OR1L6: variants seen among roughly 807,000 people sequenced by gnomAD.
OR1L6 encodes the protein olfactory receptor family 1 subfamily L member 6.
OR1L6 carries 2 observed loss-of-function variants against 3.0 expected under a neutral mutation model. The observed-to-expected ratio is 0.68, with a 90% confidence interval of 0.28 to 2.13. The LOEUF (loss-of-function observed/expected upper bound fraction) is 2.13. OR1L6 is among the 30% of genes most tolerant of loss of function. The probability of loss-of-function intolerance (pLI) is 0.14; values close to 1 mark genes in which losing one functional copy is unlikely to be tolerated. For missense variants in OR1L6, 304 were observed against 378.4 expected, an observed-to-expected ratio of 0.80 and a Z score of 1.63; for synonymous variants, 121 against 148.4, an observed-to-expected ratio of 0.82 and a Z score of 1.34.
chr9:122,750,695 CA>C lies in OR1L6; in HGVS notation c.849del (p.Met285CysfsTer2). On this transcript the variant is annotated frameshift_variant, in exon 2 of 2. Coordinates refer to ENST00000304720, the MANE Select transcript of OR1L6 (RefSeq NM_001004453.3). LOFTEE classifies it high-confidence loss of function. ...RVATVMYTVVTPMLNPFIYSL... is the reference protein window; with the variant it reads ...RVATVMYTVVXPMLNPFIYSL... ...GCCACAGTTATGTACACAGTAGTGACACCCATGCTGAACCCTTTCATCTACA... is the reference window on the plus strand; with the variant it reads ...GCCACAGTTATGTACACAGTAGTGACCCCATGCTGAACCCTTTCATCTACA... 6.2e-7 allele frequency: 1 copy of C among 1,613,840 alleles called. No homozygotes were observed.
chr9:122,750,044 A>G lies in OR1L6; in HGVS notation c.197A>G (p.Asn66Ser), dbSNP rs146011125. 3.7e-6 allele frequency: 6 copies of G among 1,614,106 alleles called. No homozygotes were observed. The highest frequency in any genetic ancestry group is 5.1e-6 in the Non-Finnish European group (6 of 1,180,006). ...LHTPMYFFLS[N>S]LSFMDICFTT... ...ACCCCTATGTACTTTTTTCTCAGCA[A>G]CTTGTCTTTCATGGATATCTGCTTC... Residue 66 changes from asparagine (N) to serine (S), a missense_variant, in exon 2 of 2, where the codon AAC becomes AGC. Coordinates refer to ENST00000304720, the MANE Select transcript of OR1L6 (RefSeq NM_001004453.3).
chr9:122,750,180 T>C lies in OR1L6; in HGVS notation c.333T>C (p.Thr111=). The change falls in exon 2 of 2, where the codon ACT becomes ACC. Residue 111 remains threonine, a synonymous_variant. Transcript: ENST00000304720. ...ACTTCTTTATGGCATTTGGGAACAC[T>C]GACAGCTACCTGCTGGCCTCTATGG... ...QMYFFMAFGN[T]DSYLLASMAI... is the part of the protein sequence containing the mutation. 1 of 1,613,890 alleles carries C rather than the reference T, an allele frequency of 6.2e-7. No individual in the cohort carries two copies. The highest frequency in any genetic ancestry group is 8.5e-7 in the Non-Finnish European group (1 of 1,179,822).
At chr9:122,742,904 T>C (rs962906142) in intron 1 of OR1L6, among the ~76,000 whole-genome samples, 1 of 152,104 alleles carries the variant, frequency 6.6e-6, no homozygotes, top group African/African-American at 2.4e-5. Flanking sequence ...AACCCAGAGG[T>C]GTTCCACCCA....
intron 1 of OR1L6, among the ~76,000 whole-genome samples, chr9:122,745,275 T>C (rs1359415265): frequency 2.0e-5 from 3 of 152,118 alleles, no homozygotes; most frequent in African/African-American, 7.2e-5. Flanking sequence ...TAATGAACCA[T>C]TTAACCTCAT....
intron 1 of OR1L6, among the ~76,000 whole-genome samples, chr9:122,745,302 T>C (rs1389334589): frequency 6.6e-6 from 1 of 151,876 alleles, no homozygotes; most frequent in Admixed American, 6.6e-5. Flanking sequence ...ATGCAGTGTA[T>C]ATAGATCTAT....
At chr9:122,749,715 A>G in intron 1 of OR1L6, 120 bp from the exon 2 acceptor site, 1 of 1,005,292 alleles carries the variant, frequency 9.9e-7, no homozygotes, top group Non-Finnish European at 1.5e-6. Context: ...CTCAAAGAAA[A>G]AAAAAACAAC....
Position 122,749,949 on chromosome 9 carries a change from C to T in OR1L6, c.102C>T (p.Ile34=), listed in dbSNP as rs939965251. The T allele has an allele frequency of 6.2e-7, 1 of 1,614,070 alleles. No individual in the cohort carries two copies. Among genetic ancestry groups the T allele is most frequent in the Admixed American group, 1.7e-5 (1 of 60,002 alleles). The change falls in exon 2 of 2, where the codon ATC becomes ATT. Residue 34 remains isoleucine, a synonymous_variant. Coordinates refer to ENST00000304720, the MANE Select transcript of OR1L6 (RefSeq NM_001004453.3). ...LQKPLFAIFL[I]MYLLAAVGNV... ...AACCTCTCTTTGCCATCTTCCTCAT[C>T]ATGTACCTGCTCGCTGCGGTGGGGA...
intron 1 of OR1L6, among the ~76,000 whole-genome samples, chr9:122,746,267 A>G (rs2118908347): frequency 6.6e-6 from 1 of 152,282 alleles, no homozygotes; most frequent in African/African-American, 2.4e-5. Context: ...TACACTCTAA[A>G]TTTATATCTG....
intron 1 of OR1L6, among the ~76,000 whole-genome samples, chr9:122,747,092 T>C (rs148282238): frequency 4.6e-5 from 7 of 152,278 alleles, no homozygotes; most frequent in Admixed American, 4.6e-4. Context: ...CTGGGTTTTA[T>C]TTCTATGTGT....
At position 122,750,192 on chromosome 9, in the gene OR1L6, G is replaced by T; in HGVS notation, c.345G>T (p.Leu115=). The T allele has an allele frequency of 6.2e-7, 1 of 1,613,990 alleles. No individual in the cohort carries two copies. Among genetic ancestry groups the T allele is most frequent in the Non-Finnish European group, 8.5e-7 (1 of 1,179,934 alleles). ...FMAFGNTDSY[L]LASMAIDRLV... Reference sequence around the variant, plus strand: ...CATTTGGGAACACTGACAGCTACCTGCTGGCCTCTATGGCCATCGACCGGC... The same window carrying T: ...CATTTGGGAACACTGACAGCTACCTTCTGGCCTCTATGGCCATCGACCGGC... The change falls in exon 2 of 2, where the codon CTG becomes CTT. Residue 115 remains leucine, a synonymous_variant. Coordinates refer to ENST00000304720, the MANE Select transcript of OR1L6 (RefSeq NM_001004453.3).
At position 122,750,543 on chromosome 9, in the gene OR1L6, A is replaced by G; in HGVS notation, c.696A>G (p.Ala232=). 1 of 1,593,908 alleles carries G rather than the reference A, an allele frequency of 6.3e-7. No individual in the cohort carries two copies. Among genetic ancestry groups the G allele is most frequent in the East Asian group, 2.2e-5 (1 of 44,556 alleles). The change falls in exon 2 of 2, where the codon GCA becomes GCG. Residue 232 remains alanine (A), a synonymous_variant. Transcript: ENST00000304720. ...IMVTVLRIPS[A]AGKWKAFSTC... ...TCACTGTGCTCAGAATCCCCTCTGC[A>G]GCCGGGAAGTGGAAGGCCTTCTCTA... is the stretch of plus-strand genomic sequence containing the variant.
intron 1 of OR1L6, among the ~76,000 whole-genome samples, chr9:122,748,336 A>G (rs887288191): frequency 6.6e-6 from 1 of 152,178 alleles, no homozygotes; most frequent in Admixed American, 6.5e-5. Context: ...GGTGTCATTC[A>G]TGGAGATACC....
At chr9:122,743,579 G>A (rs1828808780) in intron 1 of OR1L6, among the ~76,000 whole-genome samples, 1 of 152,132 alleles carries the variant, frequency 6.6e-6, no homozygotes, top group African/African-American at 2.4e-5. Context: ...CCTTACTGCT[G>A]GAAGAGAAAA....
chr9:122,747,501 C>T (rs1275712731), intron 1 of OR1L6, among the ~76,000 whole-genome samples: 1 of 151,896 alleles, frequency 6.6e-6, no homozygotes. Flanking sequence ...ATTAGAGGTG[C>T]ATTGAATTTT....
intron 1 of OR1L6, among the ~76,000 whole-genome samples, chr9:122,749,481 C>T (rs1828867628): frequency 6.6e-6 from 1 of 152,152 alleles, no homozygotes; most frequent in Non-Finnish European, 1.5e-5. Context: ...CTACCTGTTT[C>T]TCCATGGTTT....
At chr9:122,746,957 GTTC>G (rs1564248873) in intron 1 of OR1L6, among the ~76,000 whole-genome samples, 1 of 151,930 alleles carries the variant, frequency 6.6e-6, no homozygotes, top group East Asian at 1.9e-4. Flanking sequence ...TGTCATTCTT[GTTC>G]TTCATTTCAT....
At chr9:122,746,876 C>T (rs1204460608) in intron 1 of OR1L6, among the ~76,000 whole-genome samples, 1 of 152,098 alleles carries the variant, frequency 6.6e-6, no homozygotes, top group Non-Finnish European at 1.5e-5. Context: ...TTCATTGAGT[C>T]AATAGTTTCT....
chr9:122,750,222 G>A lies in OR1L6; in HGVS notation c.375G>A (p.Val125=). Residue 125 remains valine (V), a synonymous_variant, in exon 2 of 2, where the codon GTG becomes GTA. Transcript: ENST00000304720. The part of the protein sequence containing the change: ...LLASMAIDRL[V]AICNPLHYDV... ...CCTCTATGGCCATCGACCGGCTGGTGGCCATCTGCAACCCCTTACACTATG... is the reference window on the plus strand; with the variant it reads ...CCTCTATGGCCATCGACCGGCTGGTAGCCATCTGCAACCCCTTACACTATG... 1 of 1,614,040 alleles carries A rather than the reference G, an allele frequency of 6.2e-7. No individual in the cohort carries two copies. Among genetic ancestry groups the A allele is most frequent in the Non-Finnish European group, 8.5e-7 (1 of 1,179,994 alleles).
intron 1 of OR1L6, among the ~76,000 whole-genome samples, chr9:122,742,789 G>C (rs148545211): frequency 0.015 from 2,288 of 152,282 alleles, 23 homozygotes; most frequent in Non-Finnish European, 0.02. Flanking sequence ...CTGTAAAATG[G>C]AGTTGTTGTA....
Sources: gnomAD v4.1 joint callset for allele counts (sites outside exome capture counted in the v4.1 genomes callset) on GRCh38, gnomAD v4.1.1 for gene constraint, MANE v1.5 for transcripts, NCBI Gene and HGNC (gene_info 2026-07-23, HGNC 2026-07-21) for gene names.